Variants in LAMA2 observed in about 807,000 individuals in gnomAD.
LAMA2 encodes the protein laminin subunit alpha-2.
In LAMA2, 269 loss-of-function variants were observed where a neutral mutation model predicts 364.8. That is an observed-to-expected ratio of 0.74 (90% confidence interval 0.67 to 0.82). The LOEUF (loss-of-function observed/expected upper bound fraction) is 0.82. LAMA2 is among the 40% of genes least tolerant of loss of function. LAMA2 has a pLI of 0.00. For synonymous variants in LAMA2, 1,379 were observed against 1,370.6 expected, an observed-to-expected ratio of 1.01 and a Z score of -0.14; for missense variants, 3,807 against 3,873.2, an observed-to-expected ratio of 0.98 and a Z score of 0.45.
chr6:129,077,366 T>C (rs1178751533), intron 3 of LAMA2, among the ~76,000 whole-genome samples: 1 of 152,140 alleles, frequency 6.6e-6, no homozygotes, highest in Non-Finnish European at 1.5e-5. Context: ...TAGAATATAC[T>C]CAAGAAAATT....
At chr6:128,981,858 T>TCC (rs1782906457) in intron 1 of LAMA2, among the ~76,000 whole-genome samples, 1 of 152,130 alleles carries the variant, frequency 6.6e-6, no homozygotes, top group African/African-American at 2.4e-5. Flanking sequence ...AACCCACAGG[T>TCC]CCCAGGTCGT....
chr6:128,971,818 T>A (rs1782205985), intron 1 of LAMA2, among the ~76,000 whole-genome samples: 1 of 152,152 alleles, frequency 6.6e-6, no homozygotes, highest in South Asian at 2.1e-4. Flanking sequence ...TTACCCCTCA[T>A]ATCTGTCAGT....
chr6:129,062,914 T>TTTTTG (rs1405178355), intron 3 of LAMA2, among the ~76,000 whole-genome samples: 1 of 97,058 alleles, frequency 1.0e-5, no homozygotes, highest in Non-Finnish European at 2.1e-5. Context: ...TACAGTGGGT[T>TTTTTG]TTTTTTTTTT....
intron 1 of LAMA2, among the ~76,000 whole-genome samples, chr6:128,904,094 T>C (rs1483210395): frequency 6.6e-6 from 1 of 152,186 alleles, no homozygotes; most frequent in Non-Finnish European, 1.5e-5. Context: ...GCCCAGGACA[T>C]ATATACACTT....
chr6:129,166,560 T>C (rs1364997787), intron 9 of LAMA2, among the ~76,000 whole-genome samples: 1 of 152,222 alleles, frequency 6.6e-6, no homozygotes, highest in Non-Finnish European at 1.5e-5. Context: ...TACGTTTTGA[T>C]AGTCGAATGA....
At position 129,294,686 on chromosome 6, in the gene LAMA2, A is replaced by G. The variant is rs1335151415; in HGVS notation, c.2856+2966A>G. Among the ~76,000 whole-genome samples the G allele has an allele frequency of 2.6e-5, 4 of 152,152 alleles. No individual in the cohort carries two copies. In the East Asian group the frequency reaches 7.7e-4, roughly 29 times the overall value. On this transcript the variant is annotated intron_variant, in intron 20 of 64. Coordinates refer to ENST00000421865, the MANE Select transcript of LAMA2 (RefSeq NM_000426.4). ...ACCTCTGATGGGTCCAAAAGACAAG[A>G]AACTGGAGGCTTTCAGTCAGTAAAA...
At chr6:129,227,530 T>C (rs1336806095) in intron 12 of LAMA2, among the ~76,000 whole-genome samples, 1 of 152,224 alleles carries the variant, frequency 6.6e-6, no homozygotes, top group Non-Finnish European at 1.5e-5. Flanking sequence ...TTCTATTTGT[T>C]AGTTTTCCTT....
chr6:129,210,041 C>G (rs1241221703), intron 12 of LAMA2, among the ~76,000 whole-genome samples: 1 of 146,892 alleles, frequency 6.8e-6, no homozygotes, highest in Non-Finnish European at 1.5e-5. Context: ...ACTATTGACC[C>G]TTACTCTGGA....
chr6:129,317,438 C>T (rs1948307), intron 27 of LAMA2, among the ~76,000 whole-genome samples: 120,006 of 152,094 alleles, frequency 0.79, 47,452 homozygotes, highest in East Asian at 0.92. Context: ...CAGCAGAAAA[C>T]CTTTTATTTC....
At chr6:128,997,438 AG>A (rs754902994) in intron 1 of LAMA2, among the ~76,000 whole-genome samples, 21 of 152,102 alleles carry the variant, frequency 1.4e-4, no homozygotes, top group Non-Finnish European at 2.5e-4. Context: ...GAAGTAAGAG[AG>A]GGGAAGAATA....
At chr6:129,368,629 G>A (rs1249290882) in intron 33 of LAMA2, among the ~76,000 whole-genome samples, 1 of 152,174 alleles carries the variant, frequency 6.6e-6, no homozygotes, top group East Asian at 1.9e-4. Context: ...GAAGTAAAGA[G>A]GATCCTATAG....
chr6:129,411,196 C>T (rs1780523773), intron 40 of LAMA2, among the ~76,000 whole-genome samples: 1 of 152,196 alleles, frequency 6.6e-6, no homozygotes, highest in Non-Finnish European at 1.5e-5. Context: ...AACTCCAGTG[C>T]ACAATGTGGT....
At chr6:129,087,601 A>C (rs1038726274) in intron 3 of LAMA2, among the ~76,000 whole-genome samples, 1 of 152,200 alleles carries the variant, frequency 6.6e-6, no homozygotes, top group African/African-American at 2.4e-5. Context: ...TTCCAAAGAA[A>C]ATTTCAGAAA....
chr6:129,378,756 C>G (rs1441110583), intron 34 of LAMA2, among the ~76,000 whole-genome samples: 1 of 152,138 alleles, frequency 6.6e-6, no homozygotes, highest in Non-Finnish European at 1.5e-5. Flanking sequence ...ATCTCCAATT[C>G]CCTGTACATG....
chr6:129,488,406 G>A (rs1186512957), intron 56 of LAMA2, among the ~76,000 whole-genome samples: 1 of 152,204 alleles, frequency 6.6e-6, no homozygotes, highest in East Asian at 1.9e-4. Flanking sequence ...CACTCAAAAT[G>A]TGTTATTTTG....
intron 34 of LAMA2, among the ~76,000 whole-genome samples, chr6:129,375,344 A>G (rs1346641603): frequency 6.6e-6 from 1 of 152,114 alleles, no homozygotes; most frequent in Non-Finnish European, 1.5e-5. Context: ...ACTTACCTCT[A>G]TAGCTATTGT....
intron 32 of LAMA2, among the ~76,000 whole-genome samples, chr6:129,355,151 T>C (rs1419123180): frequency 6.6e-6 from 1 of 152,202 alleles, no homozygotes; most frequent in Non-Finnish European, 1.5e-5. Context: ...TAGACTCTTT[T>C]GCTAAAGCAC....
chr6:129,096,008 C>A (rs1472855863), intron 3 of LAMA2, among the ~76,000 whole-genome samples: 1 of 151,912 alleles, frequency 6.6e-6, no homozygotes, highest in Non-Finnish European at 1.5e-5. Flanking sequence ...GATTTTAAGA[C>A]CTTGTCAGGA....
At chr6:129,487,855 C>G (rs1398245768) in intron 56 of LAMA2, among the ~76,000 whole-genome samples, 1 of 152,094 alleles carries the variant, frequency 6.6e-6, no homozygotes, top group African/African-American at 2.4e-5. Context: ...AATCTAACAG[C>G]CAGATATTGT....
Sources: allele counts gnomAD v4.1 joint callset (sites outside exome capture counted in the v4.1 genomes callset), GRCh38; gene constraint gnomAD v4.1.1; transcripts MANE v1.5; gene names NCBI Gene and HGNC (gene_info 2026-07-23, HGNC 2026-07-21).